Variants in PCDH11X observed in about 807,000 individuals in gnomAD.
The protein encoded by PCDH11X is protocadherin 11 X-linked, also known as protocadherin-11 X-linked.
In PCDH11X, 18 loss-of-function variants were observed where a neutral mutation model predicts 53.3. The observed-to-expected ratio is 0.34, with a 90% CI of 0.23 to 0.50. PCDH11X has a LOEUF of 0.50. PCDH11X is among the 20% of genes least tolerant of loss of function. The pLI is 0.98. For synonymous variants in PCDH11X, 279 were observed against 393.3 expected, an observed-to-expected ratio of 0.71 and a Z score of 3.44; for missense variants, 570 against 1,032.4, an observed-to-expected ratio of 0.55 and a Z score of 6.14.
intron 6 of PCDH11X, among the ~76,000 whole-genome samples, chrX:92,100,684 C>T (rs1010221742): frequency 2.7e-5 from 3 of 110,790 alleles, no homozygotes; most frequent in African/African-American, 9.9e-5. Flanking sequence ...GGCTCAGAGG[C>T]CTGACATTCC....
intron 1 of PCDH11X, among the ~76,000 whole-genome samples, chrX:91,802,643 T>G (rs1472064356): frequency 9.0e-6 from 1 of 111,725 alleles, no homozygotes; most frequent in Non-Finnish European, 1.9e-5. Flanking sequence ...TATGGAGAAT[T>G]GCATATTAGT....
At chrX:92,013,139 C>A (rs991381538) in intron 6 of PCDH11X, among the ~76,000 whole-genome samples, 10 of 111,437 alleles carry the variant, frequency 9.0e-5, no homozygotes, top group Non-Finnish European at 1.5e-4. Flanking sequence ...ACCCCATCGT[C>A]TCAGCCCAAA....
intron 6 of PCDH11X, among the ~76,000 whole-genome samples, chrX:92,050,022 G>A (rs1360184062): frequency 4.5e-5 from 5 of 112,115 alleles, no homozygotes; most frequent in Non-Finnish European, 9.4e-5. Context: ...TGATCTGCCC[G>A]CCTCGGCCTC....
intron 6 of PCDH11X, among the ~76,000 whole-genome samples, chrX:91,929,735 A>G (rs142144721): frequency 5.5e-4 from 61 of 111,688 alleles, no homozygotes; most frequent in African/African-American, 1.8e-3. Flanking sequence ...TAATGACTCC[A>G]TTGTTCAATG....
At chrX:92,020,454 G>C (rs1473360154) in intron 6 of PCDH11X, among the ~76,000 whole-genome samples, 1 of 111,722 alleles carries the variant, frequency 9.0e-6, no homozygotes, top group African/African-American at 3.3e-5. Flanking sequence ...CTTCAGACCT[G>C]ACCCTGACCC....
Position 92,025,280 on chromosome X carries a change from G to GA in PCDH11X, c.3033+146017dup, listed in dbSNP as rs35610049. On this transcript the variant is annotated intron_variant, in intron 6 of 10. Transcript: ENST00000682573. ...GCAAGGGACTCACACAAATTTACAA[G>GA]AAAAAAAAAACCAAACAACCCCATC... Among the ~76,000 whole-genome samples the GA allele has an allele frequency of 7.0e-3, 687 of 98,044 alleles. 5 individuals are homozygous for GA. Among genetic ancestry groups the GA allele is most frequent in the African/African-American group, 0.023 (623 of 26,726 alleles). 85.1% of individuals were successfully genotyped at this position (98,044 alleles called of 115,157 possible).
At chrX:92,046,987 A>T (rs1404167806) in intron 6 of PCDH11X, among the ~76,000 whole-genome samples, 1 of 94,007 alleles carries the variant, frequency 1.1e-5, no homozygotes, top group Non-Finnish European at 2.0e-5. Flanking sequence ...AACATTAACA[A>T]AGGGGAAACC....
At chrX:92,256,268 C>T (rs954040400) in intron 7 of PCDH11X, among the ~76,000 whole-genome samples, 11 of 111,723 alleles carry the variant, frequency 9.8e-5, no homozygotes, top group African/African-American at 3.3e-4. Flanking sequence ...CCTTGCACTT[C>T]CCGAGTGAGG....
At chrX:92,480,821 G>T (rs2073487373) in intron 10 of PCDH11X, among the ~76,000 whole-genome samples, 1 of 111,739 alleles carries the variant, frequency 8.9e-6, no homozygotes, top group African/African-American at 3.3e-5. Context: ...ATCTGTCCTT[G>T]TTTGCATGTG....
chrX:92,576,135 T>C (rs1922934944), intron 10 of PCDH11X, among the ~76,000 whole-genome samples: 1 of 102,540 alleles, frequency 9.8e-6, no homozygotes, highest in Admixed American at 1.1e-4. Flanking sequence ...TTCGTCATTA[T>C]GCAGCGACTT....
At chrX:92,141,543 TC>T (rs2065179226) in intron 6 of PCDH11X, among the ~76,000 whole-genome samples, 1 of 112,075 alleles carries the variant, frequency 8.9e-6, no homozygotes, top group Admixed American at 9.5e-5. Context: ...CATTTTAAAT[TC>T]CATATTGTTT....
At chrX:92,235,145 AAAAG>A (rs970405415) in intron 7 of PCDH11X, among the ~76,000 whole-genome samples, 25 of 107,606 alleles carry the variant, frequency 2.3e-4, no homozygotes, top group South Asian at 8.1e-4. Context: ...AATATGATAA[AAAAG>A]AAAGAGAAAT....
chrX:92,591,231 C>T (rs1325112416), intron 10 of PCDH11X, among the ~76,000 whole-genome samples: 16 of 109,982 alleles, frequency 1.5e-4, no homozygotes, highest in African/African-American at 5.0e-4. Flanking sequence ...TGAGCAGGGT[C>T]GCCAGGGCCC....
chrX:92,175,943 T>A (rs1405985855), intron 6 of PCDH11X, among the ~76,000 whole-genome samples: 1 of 110,487 alleles, frequency 9.1e-6, no homozygotes. Context: ...CCTCTTTTTG[T>A]AAAATATTGC....
chrX:91,818,886 A>T (rs759529159), intron 4 of PCDH11X, among the ~76,000 whole-genome samples: 56 of 111,392 alleles, frequency 5.0e-4, no homozygotes, highest in African/African-American at 1.7e-3. Context: ...ACACAAGGGC[A>T]TATGTTCACA....
At chrX:92,618,185 G>C in intron 10 of PCDH11X, 79 bp from the exon 11 acceptor site, 1 of 1,133,316 alleles carries the variant, frequency 8.8e-7, no homozygotes, top group East Asian at 3.3e-5. Flanking sequence ...TACCTTTTTT[G>C]TCACAATGAT....
At chrX:92,412,025 G>A (rs1467345124) in intron 9 of PCDH11X, among the ~76,000 whole-genome samples, 1 of 82,409 alleles carries the variant, frequency 1.2e-5, no homozygotes, top group African/African-American at 4.3e-5. Context: ...AGAGGAGGAG[G>A]GGTGAGGAGG....
chrX:92,204,219 C>T (rs2066438685), intron 7 of PCDH11X, among the ~76,000 whole-genome samples: 1 of 112,095 alleles, frequency 8.9e-6, no homozygotes, highest in Admixed American at 9.5e-5. Context: ...CATTTGGCTC[C>T]TCATTACTTA....
At chrX:92,348,693 C>T (rs1047680972) in intron 8 of PCDH11X, among the ~76,000 whole-genome samples, 7 of 108,760 alleles carry the variant, frequency 6.4e-5, no homozygotes, top group Non-Finnish European at 1.1e-4. Flanking sequence ...TGCACTGCCA[C>T]GCCCAGTCAA....
Sources: gnomAD v4.1 joint callset for allele counts (sites outside exome capture counted in the v4.1 genomes callset) on GRCh38, gnomAD v4.1.1 for gene constraint, MANE v1.5 for transcripts, NCBI Gene and HGNC (gene_info 2026-07-23, HGNC 2026-07-21) for gene names.